Variants in STARD7 observed in about 807,000 individuals in gnomAD.
STARD7 encodes the protein stAR-related lipid transfer protein 7, mitochondrial.
Under a neutral mutation model 45.3 loss-of-function variants are expected in STARD7, and 30 were observed. The ratio of observed to expected loss-of-function variants is 0.66; its 90% confidence interval spans 0.50 to 0.90. STARD7 has a LOEUF of 0.90. Among genes scored for constraint, STARD7 ranks in the 40% least tolerant of loss-of-function variants. STARD7 has a pLI of 0.00. For missense variants in STARD7, 495 were observed against 491.3 expected (o/e 1.01, Z -0.07); for synonymous variants, 199 against 183.0 (o/e 1.09, Z -0.70).
chr2:96,186,750 C>A lies in STARD7; in HGVS notation c.1093G>T (p.Ala365Ser). 1 of 1,611,482 alleles carries A rather than the reference C, an allele frequency of 6.2e-7. No individual in the cohort carries two copies. The highest frequency in any genetic ancestry group is 8.5e-7 in the Non-Finnish European group (1 of 1,178,938). ...GCCTGTCAAGCATACTCAATCCGAG[C>A]AGGGCCACAGCTGCCCTCGTTCTTT... is the stretch of plus-strand genomic sequence containing the variant. ...ERKNEGSCGP[A>S]RIEYA The change falls in exon 8 of 8, where the codon GCT becomes TCT. Residue 365 changes from alanine (A) to serine (S), a missense_variant. By Grantham distance (99) the Ala-to-Ser change is moderately conservative (BLOSUM62 1). Transcript: ENST00000337288.
chr2:96,202,928 C>T lies in STARD7; in HGVS notation c.290+5217G>A, dbSNP rs182732205. Among the ~76,000 whole-genome samples the T allele has an allele frequency of 1.5e-3, 230 of 152,310 alleles. 1 individual carries two copies. The highest frequency in any genetic ancestry group is 2.8e-3 in the Non-Finnish European group (190 of 68,022). On this transcript the variant is annotated intron_variant, in intron 1 of 7. Transcript: ENST00000337288. ...AATCAAGGTGGTTCAGAGCATCTGA[C>T]CCACTGCTTAATCAAGCTCTCCTAT...
At chr2:96,195,809 T>A (rs2104186947) in intron 1 of STARD7, among the ~76,000 whole-genome samples, 1 of 152,234 alleles carries the variant, frequency 6.6e-6, no homozygotes, top group East Asian at 1.9e-4. Flanking sequence ...CGAGGTTGGC[T>A]ATAAAGATTA....
Position 96,197,713 on chromosome 2 carries a change from T to C in STARD7, c.291-2164A>G, listed in dbSNP as rs138060025. ...TTATCACCCCCAAAAGAAACCTCTA[T>C]CTATCATTAGTCACTTCCCATTCCT... On this transcript the variant is annotated intron_variant, in intron 1 of 7. Coordinates refer to ENST00000337288, the MANE Select transcript of STARD7 (RefSeq NM_020151.4). 7.0e-4 allele frequency among the ~76,000 whole-genome samples: 106 copies of C among 152,314 alleles called. 1 individual carries two copies. Among genetic ancestry groups the C allele is most frequent in the African/African-American group, 2.1e-3 (86 of 41,562 alleles).
chr2:96,197,066 C>CAAGATAAAAT (rs1683222842), intron 1 of STARD7, among the ~76,000 whole-genome samples: 1 of 89,740 alleles, frequency 1.1e-5, no homozygotes, highest in Non-Finnish European at 2.3e-5. Context: ...AACTCCGTCT[C>CAAGATAAAAT]AAAATAAAAT....
At chr2:96,189,483 T>C (rs1006024674) in intron 6 of STARD7, among the ~76,000 whole-genome samples, 1 of 152,038 alleles carries the variant, frequency 6.6e-6, no homozygotes, top group Non-Finnish European at 1.5e-5. Context: ...GGCGGGCGGA[T>C]CACTTGAAGT....
rs1338227754 is a variant in STARD7 at position 96,185,302 on chromosome 2, A to G, written c.*1428T>C. ...TTGGCACAAAAATGAACAGGCAACA[A>G]GAAGGTCAAGGAAGTGTTTAAGTTA... On this transcript the variant is annotated 3_prime_UTR_variant, in exon 8 of 8. Transcript: ENST00000337288. 6.6e-6 allele frequency: 1 copy of G among 152,610 alleles called. No homozygotes were observed. The highest frequency in any genetic ancestry group is 1.5e-5 in the Non-Finnish European group (1 of 68,026). 9.5% of individuals were successfully genotyped at this position (152,610 alleles called of 1,614,324 possible).
chr2:96,195,035 G>A (rs1412334947), intron 2 of STARD7, 28 bp from the exon 3 acceptor site: 1 of 1,587,570 alleles, frequency 6.3e-7, no homozygotes, highest in South Asian at 1.1e-5. Context: ...AATAAGGGAT[G>A]CTGGCCATAC....
chr2:96,186,888 G>A lies in STARD7; in HGVS notation c.955C>T (p.His319Tyr). Residue 319 changes from histidine (H) to tyrosine (Y), a missense_variant, in exon 8 of 8, where the codon CAC becomes TAC. By Grantham distance (83) the His-to-Tyr change is moderately conservative (BLOSUM62 2). Coordinates refer to ENST00000337288, the MANE Select transcript of STARD7 (RefSeq NM_020151.4). ...TTCTTGGCTTTCAGAGTGGCCATGT[G>A]CAGCTTCTCCAGGAAATCTGGCATG... ...SGMPDFLEKLHMATLKAKNME... is the reference protein window; with the variant it reads ...SGMPDFLEKLYMATLKAKNME... 1 of 1,613,316 alleles carries A rather than the reference G, an allele frequency of 6.2e-7. No individual in the cohort carries two copies. The highest frequency in any genetic ancestry group is 8.5e-7 in the Non-Finnish European group (1 of 1,179,580).
chr2:96,208,302 A>G lies in STARD7; in HGVS notation c.133T>C (p.Tyr45His). The G allele has an allele frequency of 1.2e-6, 2 of 1,609,084 alleles. No homozygotes were observed. Among genetic ancestry groups the G allele is most frequent in the African/African-American group, 1.3e-5 (1 of 74,894 alleles). The change falls in exon 1 of 8, where the codon TAC becomes CAC. Residue 45 changes from tyrosine to histidine, a missense_variant. Physicochemically the swap from Tyr to His is moderately conservative, Grantham distance 83 (BLOSUM62 2). Transcript: ENST00000337288. Reference protein sequence around the residue: ...VRRAQQIAQLYGRLYSESSRR... With the variant: ...VRRAQQIAQLHGRLYSESSRR... ...GAGCTCTCGGAGTAGAGGCGGCCGTAGAGCTGCGCGATCTGCTGCGCGCGC... is the reference window on the plus strand; with the variant it reads ...GAGCTCTCGGAGTAGAGGCGGCCGTGGAGCTGCGCGATCTGCTGCGCGCGC...
At chr2:96,189,433 G>A (rs564295052) in intron 6 of STARD7, among the ~76,000 whole-genome samples, 16 of 151,998 alleles carry the variant, frequency 1.1e-4, no homozygotes, top group Non-Finnish European at 1.8e-4. Context: ...GGCTGGGCAC[G>A]GTGGCTCATG....
chr2:96,201,714 G>A (rs1683308153), intron 1 of STARD7, among the ~76,000 whole-genome samples: 1 of 151,678 alleles, frequency 6.6e-6, no homozygotes, highest in South Asian at 2.1e-4. Context: ...ACAAGAATCT[G>A]TTGAACCCAG....
intron 1 of STARD7, among the ~76,000 whole-genome samples, chr2:96,206,509 A>G (rs1683391332): frequency 6.6e-6 from 1 of 152,208 alleles, no homozygotes; most frequent in Non-Finnish European, 1.5e-5. Context: ...TCAACTTAAA[A>G]GTGGAACACG....
At chr2:96,206,314 G>A (rs1683388309) in intron 1 of STARD7, among the ~76,000 whole-genome samples, 2 of 151,944 alleles carry the variant, frequency 1.3e-5, no homozygotes, top group Admixed American at 6.6e-5. Flanking sequence ...TACTACGTAA[G>A]CCCCAACACT....
intron 1 of STARD7, among the ~76,000 whole-genome samples, chr2:96,205,279 T>A (rs190618112): frequency 6.6e-6 from 1 of 152,374 alleles, no homozygotes. Flanking sequence ...TTTGGTAAGA[T>A]GTTCTTAAGC....
chr2:96,188,733 G>GAAA (rs1225267792), intron 6 of STARD7, among the ~76,000 whole-genome samples: 1 of 143,774 alleles, frequency 7.0e-6, no homozygotes, highest in Non-Finnish European at 1.5e-5. Flanking sequence ...AAAATACAAA[G>GAAA]AAAAAAAAAA....
chr2:96,200,369 G>A (rs533904101), intron 1 of STARD7, among the ~76,000 whole-genome samples: 29 of 152,132 alleles, frequency 1.9e-4, no homozygotes, highest in Middle Eastern at 3.4e-3. Context: ...GGGACTCACC[G>A]GCTGCAAAAA....
intron 3 of STARD7, among the ~76,000 whole-genome samples, chr2:96,193,929 A>G (rs1415352345): frequency 6.6e-6 from 1 of 152,238 alleles, no homozygotes; most frequent in Non-Finnish European, 1.5e-5. Context: ...GAAGTCAGCA[A>G]AACAAATGAA....
intron 1 of STARD7, among the ~76,000 whole-genome samples, chr2:96,200,134 C>CATA (rs1309475298): frequency 6.6e-6 from 1 of 152,110 alleles, no homozygotes; most frequent in Non-Finnish European, 1.5e-5. Flanking sequence ...AGTGCAGTGG[C>CATA]ATAATCACAG....
At chr2:96,199,265 G>A (rs1418246671) in intron 1 of STARD7, among the ~76,000 whole-genome samples, 1 of 152,146 alleles carries the variant, frequency 6.6e-6, no homozygotes, top group African/African-American at 2.4e-5. Context: ...ACTTTAAGTG[G>A]TATTGCCATC....
Sources: allele counts gnomAD v4.1 joint callset (sites outside exome capture counted in the v4.1 genomes callset), GRCh38; gene constraint gnomAD v4.1.1; transcripts MANE v1.5; gene names NCBI Gene and HGNC (gene_info 2026-07-23, HGNC 2026-07-21).